The following LDB3 variants were observed in gnomAD, a reference collection of about 807,000 sequenced individuals.
LDB3 encodes the protein LIM domain-binding protein 3.
A neutral mutation model predicts 69.0 loss-of-function variants in LDB3; 49 were observed. The ratio of observed to expected loss-of-function variants is 0.71; its 90% CI spans 0.56 to 0.90. LDB3 has a LOEUF of 0.90. Among genes scored for constraint, LDB3 ranks in the 40% least tolerant of loss-of-function variants. The pLI is 0.00. For synonymous variants in LDB3, 387 were observed against 396.2 expected, an observed-to-expected ratio of 0.98 and a Z score of 0.28; for missense variants, 928 against 974.1, an observed-to-expected ratio of 0.95 and a Z score of 0.63.
At chr10:86,711,560 C>A (rs982201965) in intron 9 of LDB3, among the ~76,000 whole-genome samples, 1 of 151,982 alleles carries the variant, frequency 6.6e-6, no homozygotes, top group Non-Finnish European at 1.5e-5. Flanking sequence ...CCCGAGCCCC[C>A]CTCCGCTCCC....
At chr10:86,716,147 C>A (rs1298548625) in intron 9 of LDB3, among the ~76,000 whole-genome samples, 180 bp from the exon 10 acceptor site, 3 of 152,134 alleles carry the variant, frequency 2.0e-5, no homozygotes, top group South Asian at 4.1e-4. Flanking sequence ...CTGTGAACAC[C>A]CTGCTGAGAA....
rs137918684 is a variant in LDB3 at position 86,673,345 on chromosome 10, T to C, written c.93+4561T>C. On this transcript the variant is annotated intron_variant, in intron 2 of 13. Coordinates refer to ENST00000361373, the MANE Select transcript of LDB3 (RefSeq NM_007078.3). Reference sequence around the variant, plus strand: ...AAGGTCATTGATATGCGTGGAATAATGGGGCCAAAGGCAGACGGCTGTGTG... The same window carrying C: ...AAGGTCATTGATATGCGTGGAATAACGGGGCCAAAGGCAGACGGCTGTGTG... Among the ~76,000 whole-genome samples, 78 of 152,176 alleles carry C rather than the reference T, an allele frequency of 5.1e-4. No homozygotes were observed. The East Asian group carries it at 9.7e-3, about 19-fold the overall frequency.
intron 9 of LDB3, among the ~76,000 whole-genome samples, chr10:86,712,063 C>G (rs1433232004): frequency 6.6e-6 from 1 of 152,118 alleles, no homozygotes; most frequent in African/African-American, 2.4e-5. Context: ...TGACGGCGAG[C>G]CAGGCTGAAG....
chr10:86,679,754 G>T (rs1318500475), intron 3 of LDB3, among the ~76,000 whole-genome samples: 2 of 152,236 alleles, frequency 1.3e-5, no homozygotes, highest in African/African-American at 2.4e-5. Context: ...GGTGGTCCTG[G>T]TGCTGCCCGT....
chr10:86,715,302 G>A (rs1008248680), intron 9 of LDB3, among the ~76,000 whole-genome samples: 1 of 152,146 alleles, frequency 6.6e-6, no homozygotes, highest in Admixed American at 6.5e-5. Context: ...TCTTTGCTGA[G>A]GAGCAGACTG....
chr10:86,691,747 C>A lies in LDB3; in HGVS notation c.690-149C>A, dbSNP rs145500109. On this transcript the variant is annotated intron_variant, in intron 5 of 13. Coordinates refer to ENST00000361373, the MANE Select transcript of LDB3 (RefSeq NM_007078.3). ...CTGAGCACCGAGAACCCAGGTCATG[C>A]CCATATCTCAGGTTCTCAGACAGCA... is the stretch of plus-strand genomic sequence containing the variant. The A allele has an allele frequency of 7.0e-5, 62 of 890,822 alleles. No homozygotes were observed. The East Asian group carries it at 1.5e-3, about 21-fold the overall frequency. The allele number at this position is 890,822 out of a possible 1,614,324, so 55.2% of individuals were successfully genotyped here.
At chr10:86,680,247 A>C (rs1845037931) in intron 4 of LDB3, 90 bp downstream of exon 4, 3 of 1,213,652 alleles carry the variant, frequency 2.5e-6, no homozygotes, top group Non-Finnish European at 3.6e-6. Flanking sequence ...GGCTGGCCCA[A>C]CTGGGATGAG....
intron 12 of LDB3, among the ~76,000 whole-genome samples, chr10:86,724,677 C>G (rs1004488392): frequency 2.0e-5 from 3 of 151,756 alleles, no homozygotes; most frequent in African/African-American, 7.3e-5. Flanking sequence ...AATATTATCT[C>G]TTCACAGAGA....
chr10:86,669,639 A>C (rs76358030), intron 2 of LDB3, among the ~76,000 whole-genome samples: 3,913 of 152,334 alleles, frequency 0.026, 128 homozygotes, highest in African/African-American at 0.072. Flanking sequence ...AGTTTCTGTC[A>C]AACAAAGAGA....
In LDB3 at chr10:86,673,531, G is replaced by A. The variant is rs538223405; in HGVS notation, c.93+4747G>A. ...TTGAGGGGACTCCGGCTTATTTATC[G>A]GCCAGGGTGGAGTTGGGGAGTGGGA... On this transcript the variant is annotated intron_variant, in intron 2 of 13. Coordinates refer to ENST00000361373, the MANE Select transcript of LDB3 (RefSeq NM_007078.3). Among the ~76,000 whole-genome samples the A allele has an allele frequency of 9.2e-5, 14 of 152,174 alleles. No homozygotes were observed. The East Asian group carries it at 1.7e-3, about 19-fold the overall frequency.
chr10:86,672,638 A>T (rs1589605983), intron 2 of LDB3, among the ~76,000 whole-genome samples: 1 of 139,192 alleles, frequency 7.2e-6, no homozygotes, highest in East Asian at 2.3e-4. Context: ...AACATCTATC[A>T]ACAGGGGAAG....
intron 2 of LDB3, among the ~76,000 whole-genome samples, chr10:86,670,462 G>T (rs1001444392): frequency 2.6e-5 from 4 of 152,136 alleles, no homozygotes; most frequent in Non-Finnish European, 5.9e-5. Context: ...ATCTCCCCCA[G>T]CTCCACCATC....
At chr10:86,721,907 T>C (rs1847094665) in intron 12 of LDB3, among the ~76,000 whole-genome samples, 1 of 152,098 alleles carries the variant, frequency 6.6e-6, no homozygotes, top group Non-Finnish European at 1.5e-5. Context: ...CCATTAAATG[T>C]GAGGGTAGTA....
At chr10:86,701,056 C>T (rs545034986) in intron 7 of LDB3, among the ~76,000 whole-genome samples, 9 of 152,278 alleles carry the variant, frequency 5.9e-5, no homozygotes, top group African/African-American at 7.2e-5. Flanking sequence ...TGTTTGAGGC[C>T]GCTCTCTCCT....
At chr10:86,675,515 G>A (rs1844746308) in intron 2 of LDB3, among the ~76,000 whole-genome samples, 1 of 152,270 alleles carries the variant, frequency 6.6e-6, no homozygotes, top group Admixed American at 6.5e-5. Flanking sequence ...CAGCCCTGCA[G>A]GGGGACGACC....
intron 8 of LDB3, among the ~76,000 whole-genome samples, chr10:86,709,247 C>T (rs1486155744): frequency 2.6e-5 from 4 of 152,086 alleles, no homozygotes; most frequent in Admixed American, 6.6e-5. Flanking sequence ...TGAACTAGGA[C>T]GCTTTTTTTA....
intron 7 of LDB3, among the ~76,000 whole-genome samples, chr10:86,701,745 G>T (rs1010319660): frequency 6.6e-6 from 1 of 152,176 alleles, no homozygotes; most frequent in African/African-American, 2.4e-5. Flanking sequence ...GATACAAAAG[G>T]CTGGACAGAT....
At chr10:86,707,482 G>A (rs956139161) in intron 8 of LDB3, among the ~76,000 whole-genome samples, 18 of 152,054 alleles carry the variant, frequency 1.2e-4, no homozygotes, top group African/African-American at 4.1e-4. Context: ...AAAGGCCAGG[G>A]GAGAAGAGCG....
chr10:86,704,909 T>C (rs1456509510), intron 7 of LDB3, among the ~76,000 whole-genome samples: 1 of 151,932 alleles, frequency 6.6e-6, no homozygotes, highest in Non-Finnish European at 1.5e-5. Context: ...AGAGACAAGG[T>C]TTCTCCACGT....
Sources: gnomAD v4.1 joint callset for allele counts (sites outside exome capture counted in the v4.1 genomes callset) on GRCh38, gnomAD v4.1.1 for gene constraint, MANE v1.5 for transcripts, NCBI Gene and HGNC (gene_info 2026-07-23, HGNC 2026-07-21) for gene names.